SHISA9: variants seen among roughly 807,000 people sequenced by gnomAD.
The protein encoded by SHISA9 is protein shisa-9.
In SHISA9, 13 loss-of-function variants were observed where a neutral mutation model predicts 38.0. The ratio of observed to expected loss-of-function variants is 0.34; its 90% CI spans 0.22 to 0.54. SHISA9 has a LOEUF of 0.54. Ranked by LOEUF, SHISA9 falls within the 20% of genes least tolerant of loss-of-function variation. SHISA9 has a pLI of 0.91. For missense variants in SHISA9, 538 were observed against 575.8 expected (o/e 0.93, Z 0.67); for synonymous variants, 275 against 242.0 (o/e 1.14, Z -1.27).
intron 2 of SHISA9, among the ~76,000 whole-genome samples, chr16:13,026,918 C>T (rs767929431): frequency 9.2e-5 from 14 of 152,274 alleles, no homozygotes; most frequent in Non-Finnish European, 1.9e-4. Flanking sequence ...AGTGCCCCTC[C>T]CCTCCTTGAT....
the SHISA9 span, among the ~76,000 whole-genome samples, chr16:13,304,069 G>T: frequency 1.2e-3 from 188 of 152,228 alleles, no homozygotes; most frequent in African/African-American, 3.9e-3. Flanking sequence ...TTCCAAGCCT[G>T]GTTTCTGACT....
the SHISA9 span, among the ~76,000 whole-genome samples, chr16:13,491,679 G>A: frequency 3.3e-5 from 5 of 151,416 alleles, no homozygotes; most frequent in African/African-American, 7.3e-5. Flanking sequence ...TAGTAGAGTC[G>A]GGGTTTCATC....
chr16:13,192,436 G>C (rs1000419848), intron 2 of SHISA9, among the ~76,000 whole-genome samples: 3 of 152,072 alleles, frequency 2.0e-5, no homozygotes, highest in Admixed American at 2.0e-4. Flanking sequence ...AGTGGTATAA[G>C]AGCTGGGAAT....
the SHISA9 span, among the ~76,000 whole-genome samples, chr16:13,325,989 G>A: frequency 6.7e-6 from 1 of 149,154 alleles, no homozygotes; most frequent in South Asian, 2.1e-4. Context: ...GATGGGTGCA[G>A]CAAACCACCA....
At chr16:13,495,217 A>G in the SHISA9 span, among the ~76,000 whole-genome samples, 1 of 152,182 alleles carries the variant, frequency 6.6e-6, no homozygotes, top group Non-Finnish European at 1.5e-5. Context: ...ATGTGGTAAT[A>G]CATGCATGTA....
At chr16:12,984,613 A>G (rs949011696) in intron 2 of SHISA9, among the ~76,000 whole-genome samples, 1 of 152,138 alleles carries the variant, frequency 6.6e-6, no homozygotes, top group African/African-American at 2.4e-5. Flanking sequence ...TTCTCCCCAG[A>G]CAGGAGGGAA....
the SHISA9 span, among the ~76,000 whole-genome samples, chr16:13,555,294 A>AT: frequency 0.11 from 16,334 of 152,064 alleles, 1,006 homozygotes; most frequent in Middle Eastern, 0.17. Flanking sequence ...TGAACACAAC[A>AT]TTTTTTCTGG....
chr16:13,015,891 TTTCTTTCTTTCTTTC>T (rs1287200979), intron 2 of SHISA9, among the ~76,000 whole-genome samples: 1 of 79,498 alleles, frequency 1.3e-5, no homozygotes, highest in Non-Finnish European at 3.6e-5. Flanking sequence ...TCTTTCTTTC[TTTCTTTCTTTCTTTC>T]TTTTCTTTCT....
At chr16:13,168,377 G>A (rs143790639) in intron 2 of SHISA9, among the ~76,000 whole-genome samples, 16 of 152,330 alleles carry the variant, frequency 1.1e-4, no homozygotes, top group African/African-American at 3.6e-4. Context: ...CCATCTCATA[G>A]CAATGCCATC....
At chr16:13,398,502 A>ATTT in the SHISA9 span, among the ~76,000 whole-genome samples, 122 of 140,322 alleles carry the variant, frequency 8.7e-4, no homozygotes, top group African/African-American at 3.0e-3. Flanking sequence ...TTTATTCACC[A>ATTT]TTTTTTTTTT....
At chr16:13,077,852 C>G (rs2073601501) in intron 2 of SHISA9, among the ~76,000 whole-genome samples, 1 of 152,128 alleles carries the variant, frequency 6.6e-6, no homozygotes. Flanking sequence ...GGCAGAAAGT[C>G]CAATTTACAC....
chr16:13,169,405 A>T (rs2050666024), intron 2 of SHISA9, among the ~76,000 whole-genome samples: 1 of 152,184 alleles, frequency 6.6e-6, no homozygotes, highest in Non-Finnish European at 1.5e-5. Context: ...CCATAATATT[A>T]AGCCCTTTTA....
chr16:13,094,189 A>G (rs2073803258), intron 2 of SHISA9, among the ~76,000 whole-genome samples: 2 of 152,178 alleles, frequency 1.3e-5, no homozygotes, highest in South Asian at 2.1e-4. Flanking sequence ...AAATTTCCCA[A>G]CCGTGCTCCT....
At chr16:13,354,602 C>T in the SHISA9 span, among the ~76,000 whole-genome samples, 1 of 148,560 alleles carries the variant, frequency 6.7e-6, no homozygotes, top group African/African-American at 2.5e-5. Context: ...GTGAGTTGAG[C>T]ATAGTTTGTG....
intron 2 of SHISA9, among the ~76,000 whole-genome samples, chr16:13,151,176 A>G (rs2050495860): frequency 6.6e-6 from 1 of 151,936 alleles, no homozygotes; most frequent in Non-Finnish European, 1.5e-5. Flanking sequence ...GTGCAATCTC[A>G]CCTCACTGCA....
the SHISA9 span, among the ~76,000 whole-genome samples, chr16:13,335,852 C>G: frequency 6.6e-6 from 1 of 152,152 alleles, no homozygotes; most frequent in Non-Finnish European, 1.5e-5. Context: ...CTGCCTTGTA[C>G]CCCCTGGTGT....
At chr16:13,051,344 T>TG (rs1203357073) in intron 2 of SHISA9, among the ~76,000 whole-genome samples, 2 of 152,172 alleles carry the variant, frequency 1.3e-5, no homozygotes, top group Non-Finnish European at 2.9e-5. Context: ...AAGAACAGTA[T>TG]GGGGGAAACC....
chr16:12,970,404 C>CATATATATATATATATATGT (rs1265670441), intron 2 of SHISA9, among the ~76,000 whole-genome samples: 4 of 11,720 alleles, frequency 3.4e-4, no homozygotes, highest in African/African-American at 6.2e-4. Flanking sequence ...TATATATATA[C>CATATATATATATATATATGT]ATATATATAT....
chr16:12,998,868 C>T (rs2072490839), intron 2 of SHISA9, among the ~76,000 whole-genome samples: 2 of 152,136 alleles, frequency 1.3e-5, no homozygotes, highest in Non-Finnish European at 2.9e-5. Context: ...CCTCATTATT[C>T]ATGGTAGATA....
Sources: gnomAD v4.1 joint callset for allele counts (sites outside exome capture counted in the v4.1 genomes callset) on GRCh38, gnomAD v4.1.1 for gene constraint, MANE v1.5 for transcripts, NCBI Gene and HGNC (gene_info 2026-07-23, HGNC 2026-07-21) for gene names.